DIAPH3: variants seen among roughly 807,000 people sequenced by gnomAD.
DIAPH3 encodes diaphanous related formin 3.
Under a neutral mutation model 144.3 loss-of-function variants are expected in DIAPH3, and 117 were observed. That is an observed-to-expected ratio of 0.81 (90% CI 0.70 to 0.95). The LOEUF (loss-of-function observed/expected upper bound fraction) is 0.95. DIAPH3 is among the 40% of genes least tolerant of loss of function. The probability of loss-of-function intolerance (pLI) is 0.00; values close to 1 mark genes in which losing one functional copy is unlikely to be tolerated. For missense variants in DIAPH3, 1,421 were observed against 1,412.7 expected, an observed-to-expected ratio of 1.01 and a Z score of -0.09; for synonymous variants, 519 against 488.9, an observed-to-expected ratio of 1.06 and a Z score of -0.81.
intron 21 of DIAPH3, among the ~76,000 whole-genome samples, chr13:59,864,507 G>C (rs539885873): frequency 1.7e-4 from 26 of 152,082 alleles, no homozygotes; most frequent in African/African-American, 6.3e-4. Context: ...GTAAAGCCTA[G>C]AAAGAGTATT....
chr13:59,976,859 T>C (rs1283442368), intron 14 of DIAPH3, among the ~76,000 whole-genome samples: 2 of 151,858 alleles, frequency 1.3e-5, no homozygotes, highest in Non-Finnish European at 2.9e-5. Context: ...TGAAAACTTT[T>C]CAAGACAGAC....
intron 3 of DIAPH3, among the ~76,000 whole-genome samples, chr13:60,110,320 T>C (rs1283056988): frequency 6.6e-6 from 1 of 152,240 alleles, no homozygotes; most frequent in Non-Finnish European, 1.5e-5. Context: ...AAGGTTACCA[T>C]GGCTGATTAT....
At chr13:59,818,375 T>C (rs182871935) in intron 24 of DIAPH3, among the ~76,000 whole-genome samples, 68 of 152,066 alleles carry the variant, frequency 4.5e-4, no homozygotes, top group African/African-American at 1.4e-3. Context: ...ACATTTATGT[T>C]TGTGCATCAC....
intron 4 of DIAPH3, among the ~76,000 whole-genome samples, chr13:60,044,711 T>C (rs2055940105): frequency 6.6e-6 from 1 of 152,214 alleles, no homozygotes; most frequent in Non-Finnish European, 1.5e-5. Flanking sequence ...TATATTTGCA[T>C]ATATTTATAT....
intron 2 of DIAPH3, among the ~76,000 whole-genome samples, chr13:60,117,422 A>G (rs1163540327): frequency 6.6e-6 from 1 of 152,072 alleles, no homozygotes; most frequent in Non-Finnish European, 1.5e-5. Flanking sequence ...AAAAATAAGG[A>G]AAGAACCATA....
chr13:59,963,634 T>C (rs950759411), intron 17 of DIAPH3, among the ~76,000 whole-genome samples: 14 of 88,388 alleles, frequency 1.6e-4, no homozygotes, highest in East Asian at 7.5e-4. Flanking sequence ...GTGTATGTAA[T>C]GGGGGGGAGG....
chr13:60,052,281 T>C (rs890418738), intron 4 of DIAPH3, among the ~76,000 whole-genome samples: 2 of 151,974 alleles, frequency 1.3e-5, no homozygotes, highest in Non-Finnish European at 2.9e-5. Flanking sequence ...ACTAAGTAAA[T>C]AGGAAAGATA....
At chr13:60,154,702 T>C (rs537391789) in intron 1 of DIAPH3, among the ~76,000 whole-genome samples, 1 of 152,318 alleles carries the variant, frequency 6.6e-6, no homozygotes, top group East Asian at 1.9e-4. Context: ...AAAAGTTACC[T>C]TTGTAGATCC....
intron 22 of DIAPH3, among the ~76,000 whole-genome samples, chr13:59,847,994 C>A (rs2042745505): frequency 6.6e-6 from 1 of 152,136 alleles, no homozygotes; most frequent in Non-Finnish European, 1.5e-5. Flanking sequence ...GTTTTTATAA[C>A]TCTTTTCTCT....
Position 59,996,776 on chromosome 13 carries a change from C to T in DIAPH3, c.1015-4193G>A, listed in dbSNP as rs756471058. ...AAGGCCATCTTAAGAACAGGGCAAA[C>T]GATCAAAGGAAAATCATTAGAAGCC... On this transcript the variant is annotated intron_variant, in intron 9 of 27. Coordinates refer to ENST00000400324, the MANE Select transcript of DIAPH3 (RefSeq NM_001042517.2). 4.0e-5 allele frequency among the ~76,000 whole-genome samples: 6 copies of T among 151,868 alleles called. No individual in the cohort carries two copies. In the South Asian group the frequency reaches 6.2e-4, roughly 16 times the overall value.
intron 27 of DIAPH3, among the ~76,000 whole-genome samples, chr13:59,700,671 G>A (rs2034061169): frequency 6.6e-6 from 1 of 152,090 alleles, no homozygotes; most frequent in African/African-American, 2.4e-5. Flanking sequence ...AAAGCCAGTT[G>A]ATGGGGGGAA....
intron 4 of DIAPH3, among the ~76,000 whole-genome samples, chr13:60,044,826 T>C (rs1274729360): frequency 6.6e-6 from 1 of 152,178 alleles, no homozygotes; most frequent in Non-Finnish European, 1.5e-5. Flanking sequence ...AGGAGGTAAC[T>C]GAATCATGAG....
chr13:59,820,237 T>C (rs1417019023), intron 24 of DIAPH3, among the ~76,000 whole-genome samples: 1 of 151,928 alleles, frequency 6.6e-6, no homozygotes, highest in Non-Finnish European at 1.5e-5. Context: ...TATTCAGAGA[T>C]ATTGGAATAC....
intron 1 of DIAPH3, among the ~76,000 whole-genome samples, chr13:60,162,566 T>G (rs560958097): frequency 4.3e-4 from 66 of 152,336 alleles, no homozygotes; most frequent in Admixed American, 7.8e-4. Context: ...AATTAATCTA[T>G]GCTGTTCCTC....
chr13:60,149,443 A>G (rs1951682123), intron 1 of DIAPH3, among the ~76,000 whole-genome samples: 1 of 152,228 alleles, frequency 6.6e-6, no homozygotes, highest in Non-Finnish European at 1.5e-5. Context: ...ACATACACAC[A>G]GAATATCATT....
chr13:59,861,437 C>A lies in DIAPH3; in HGVS notation c.2707G>T (p.Asp903Tyr), dbSNP rs1465672710. 1 of 1,613,800 alleles carries A rather than the reference C, an allele frequency of 6.2e-7. No homozygotes were observed. Among genetic ancestry groups the A allele is most frequent in the South Asian group, 1.1e-5 (1 of 91,076 alleles). ...KYPDILNFVD[D>Y]LEPLDKASKV... ...CTAGCTTTGTCTAAAGGTTCCAAAT[C>A]ATCCACAAAATTCAGTATATCAGGG... The change falls in exon 22 of 28, where the codon GAT becomes TAT. Residue 903 changes from aspartate to tyrosine, a missense_variant. By Grantham distance (160) the Asp-to-Tyr change is radical. Coordinates refer to ENST00000400324, the MANE Select transcript of DIAPH3 (RefSeq NM_001042517.2).
intron 22 of DIAPH3, among the ~76,000 whole-genome samples, chr13:59,850,172 A>T (rs2042879897): frequency 6.6e-6 from 1 of 152,130 alleles, no homozygotes; most frequent in Non-Finnish European, 1.5e-5. Flanking sequence ...TTGATTTTGT[A>T]TCCTGAGACT....
chr13:59,846,457 T>A (rs937385487), intron 22 of DIAPH3, among the ~76,000 whole-genome samples: 37 of 152,266 alleles, frequency 2.4e-4, no homozygotes, highest in Non-Finnish European at 3.5e-4. Context: ...TTGTTTCATG[T>A]GCAAAATTAT....
chr13:60,131,637 T>C (rs2059145496), intron 2 of DIAPH3, among the ~76,000 whole-genome samples: 1 of 151,270 alleles, frequency 6.6e-6, no homozygotes, highest in Non-Finnish European at 1.5e-5. Context: ...ACTGAGGGAG[T>C]TGAGGGAAAA....
Sources: gnomAD v4.1 joint callset for allele counts (sites outside exome capture counted in the v4.1 genomes callset) on GRCh38, gnomAD v4.1.1 for gene constraint, MANE v1.5 for transcripts, NCBI Gene and HGNC (gene_info 2026-07-23, HGNC 2026-07-21) for gene names.